Variants in SCHIP1 observed in about 807,000 individuals in gnomAD.
The protein encoded by SCHIP1 is schwannomin-interacting protein 1.
SCHIP1 carries 8 observed loss-of-function variants against 29.7 expected under a neutral mutation model. The ratio of observed to expected loss-of-function variants is 0.27; its 90% CI spans 0.16 to 0.49. The LOEUF (loss-of-function observed/expected upper bound fraction) is 0.49. Ranked by LOEUF, SCHIP1 falls within the 20% of genes least tolerant of loss-of-function variation. SCHIP1 has a pLI of 0.99. For synonymous variants in SCHIP1, 76 were observed against 94.9 expected (o/e 0.80, Z 1.16); for missense variants, 193 against 294.6 (o/e 0.66, Z 2.52).
At chr3:159,408,520 C>A in the SCHIP1 span, among the ~76,000 whole-genome samples, 1 of 151,884 alleles carries the variant, frequency 6.6e-6, no homozygotes, top group Non-Finnish European at 1.5e-5. Flanking sequence ...TGCAAAGAAT[C>A]CTTAGAGGCT....
At chr3:159,544,700 C>A in the SCHIP1 span, among the ~76,000 whole-genome samples, 1 of 151,960 alleles carries the variant, frequency 6.6e-6, no homozygotes, top group African/African-American at 2.4e-5. Flanking sequence ...ATTGCATTTT[C>A]TTTTTCTTAT....
the SCHIP1 span, among the ~76,000 whole-genome samples, chr3:159,675,930 A>G: frequency 1.3e-5 from 2 of 151,914 alleles, no homozygotes; most frequent in East Asian, 3.9e-4. Context: ...TCGGGAGTTC[A>G]AGATTAGCCT....
At chr3:159,409,180 C>T in the SCHIP1 span, among the ~76,000 whole-genome samples, 1 of 152,168 alleles carries the variant, frequency 6.6e-6, no homozygotes, top group South Asian at 2.1e-4. Flanking sequence ...CAGCTAGTAT[C>T]ACAGTGAATG....
the SCHIP1 span, among the ~76,000 whole-genome samples, chr3:159,434,894 C>G: frequency 6.6e-6 from 1 of 152,138 alleles, no homozygotes; most frequent in African/African-American, 2.4e-5. Flanking sequence ...TCTCTGCACT[C>G]AACCTCACCC....
chr3:159,583,541 T>C, the SCHIP1 span, among the ~76,000 whole-genome samples: 1 of 152,154 alleles, frequency 6.6e-6, no homozygotes, highest in Admixed American at 6.6e-5. Context: ...TCACTTTGAC[T>C]TCAGCTGGAA....
At chr3:159,374,094 T>C in the SCHIP1 span, among the ~76,000 whole-genome samples, 3 of 152,216 alleles carry the variant, frequency 2.0e-5, no homozygotes, top group East Asian at 3.9e-4. Flanking sequence ...GAATACAATA[T>C]ATAAAATCAT....
the SCHIP1 span, among the ~76,000 whole-genome samples, chr3:159,611,744 AT>A: frequency 6.6e-6 from 1 of 152,118 alleles, no homozygotes; most frequent in Admixed American, 6.5e-5. Flanking sequence ...ACCCACTCTA[AT>A]TTTTTACATA....
chr3:159,480,798 G>A, the SCHIP1 span, among the ~76,000 whole-genome samples: 12 of 152,218 alleles, frequency 7.9e-5, no homozygotes, highest in Non-Finnish European at 1.3e-4. Context: ...TGGGTGTCAC[G>A]CACGTCCTTG....
At chr3:159,403,359 TAAC>T in the SCHIP1 span, among the ~76,000 whole-genome samples, 1 of 152,170 alleles carries the variant, frequency 6.6e-6, no homozygotes, top group Non-Finnish European at 1.5e-5. Flanking sequence ...TACCTGGTTT[TAAC>T]ATCATGTCAG....
chr3:159,299,412 G>A, the SCHIP1 span, among the ~76,000 whole-genome samples: 1 of 152,224 alleles, frequency 6.6e-6, no homozygotes, highest in African/African-American at 2.4e-5. Flanking sequence ...CCCAGCCTCT[G>A]TTCTATCAAA....
chr3:159,368,485 C>T, the SCHIP1 span, among the ~76,000 whole-genome samples: 1 of 152,108 alleles, frequency 6.6e-6, no homozygotes, highest in Admixed American at 6.6e-5. Context: ...TGCTTAAGTC[C>T]TGAAGAGTCT....
the SCHIP1 span, among the ~76,000 whole-genome samples, chr3:159,284,595 TCTC>T: frequency 6.6e-6 from 1 of 152,156 alleles, no homozygotes; most frequent in African/African-American, 2.4e-5. Context: ...TTAAAACGAT[TCTC>T]CTGCCTCAGC....
the SCHIP1 span, among the ~76,000 whole-genome samples, chr3:159,488,988 T>C: frequency 1.4e-3 from 217 of 152,308 alleles, 1 homozygote; most frequent in Non-Finnish European, 1.9e-3. Flanking sequence ...TTTTAGTACA[T>C]GCTTATTGTC....
intron 1 of SCHIP1, among the ~76,000 whole-genome samples, chr3:159,849,902 A>T (rs1683292091): frequency 6.6e-6 from 1 of 152,238 alleles, no homozygotes. Flanking sequence ...TCACGTACTT[A>T]GTCAACAGCT....
At chr3:159,533,931 A>G in the SCHIP1 span, among the ~76,000 whole-genome samples, 1 of 152,222 alleles carries the variant, frequency 6.6e-6, no homozygotes. Flanking sequence ...GTGATTAGCA[A>G]TAGTGCTAAG....
At chr3:159,528,122 C>T in the SCHIP1 span, among the ~76,000 whole-genome samples, 269 of 152,282 alleles carry the variant, frequency 1.8e-3, 4 homozygotes, top group East Asian at 0.046. Context: ...AGAAGGATCT[C>T]CAATTCCTTT....
the SCHIP1 span, among the ~76,000 whole-genome samples, chr3:159,582,787 T>TACACACAC: frequency 0.033 from 4,804 of 144,158 alleles, 101 homozygotes; most frequent in Non-Finnish European, 0.046. Flanking sequence ...AATATATATA[T>TACACACAC]ACACACACAC....
chr3:159,393,696 A>G, the SCHIP1 span, among the ~76,000 whole-genome samples: 43 of 150,900 alleles, frequency 2.8e-4, no homozygotes, highest in African/African-American at 9.5e-4. Context: ...TACCAGTACC[A>G]TGCTGTTTTG....
At chr3:159,586,000 A>T in the SCHIP1 span, among the ~76,000 whole-genome samples, 1 of 152,160 alleles carries the variant, frequency 6.6e-6, no homozygotes, top group Non-Finnish European at 1.5e-5. Context: ...AGAAGAATGT[A>T]AGTTTCAGGC....
Sources: gnomAD v4.1 joint callset for allele counts (sites outside exome capture counted in the v4.1 genomes callset) on GRCh38, gnomAD v4.1.1 for gene constraint, MANE v1.5 for transcripts, NCBI Gene and HGNC (gene_info 2026-07-23, HGNC 2026-07-21) for gene names.